The following MYO1D variants were observed in gnomAD, a reference collection of about 807,000 sequenced individuals.
MYO1D encodes myosin ID, also known as unconventional myosin-Id.
Under a neutral mutation model 122.0 loss-of-function variants are expected in MYO1D, and 83 were observed. That is an observed-to-expected ratio of 0.68 (90% confidence interval 0.57 to 0.82). The LOEUF is 0.82. Ranked by LOEUF, MYO1D falls within the 40% of genes least tolerant of loss-of-function variation. The pLI is 0.00. For synonymous variants in MYO1D, 464 were observed against 446.9 expected (o/e 1.04, Z -0.48); for missense variants, 1,157 against 1,269.5 (o/e 0.91, Z 1.35).
At chr17:32,576,767 T>C (rs1028319679) in intron 21 of MYO1D, among the ~76,000 whole-genome samples, 1 of 152,206 alleles carries the variant, frequency 6.6e-6, no homozygotes, top group Admixed American at 6.5e-5. Context: ...AGTGATCCTC[T>C]CGCCTCAGGC....
Position 32,494,848 on chromosome 17 carries a change from T to G in MYO1D, c.2932A>C (p.Thr978Pro). 2 of 1,613,868 alleles carry G rather than the reference T, an allele frequency of 1.2e-6. No individual in the cohort carries two copies. The highest frequency in any genetic ancestry group is 2.2e-5 in the South Asian group (2 of 91,084). Residue 978 changes from threonine (T) to proline (P), a missense_variant, in exon 22 of 22, where the codon ACC (threonine) becomes CCC (proline). Transcript: ENST00000318217. ...VQCSLHGKKC[T>P]VSVETRLNQP... The stretch of plus-strand genomic sequence containing the variant: ...TTGAGCCGCGTCTCCACGGAGACGG[T>G]GCACTTCTTCCCGTGCAGGCTGCAC...
rs766286125 is a variant in MYO1D, at chr17:32,749,053, T to C, written c.1468-47A>G. The C allele has an allele frequency of 1.5e-5, 22 of 1,484,190 alleles. No individual in the cohort carries two copies. In the Admixed American group the frequency reaches 1.5e-4, roughly 10 times the overall value. 91.9% of individuals were successfully genotyped at this position (1,484,190 alleles called of 1,614,324 possible). A position where few individuals can be genotyped will look rare whatever the true frequency, so the allele number is the denominator to read the frequency against. ...TATTTTGAAAACAGACATTTTTGCT[T>C]TCCTAAAAATATATTCCAGCTTAAT... On this transcript the variant is annotated intron_variant, in intron 11 of 21. Transcript: ENST00000318217.
intron 21 of MYO1D, among the ~76,000 whole-genome samples, chr17:32,554,521 AT>A (rs1221176635): frequency 1.3e-5 from 2 of 152,248 alleles, no homozygotes; most frequent in Non-Finnish European, 2.9e-5. Flanking sequence ...TGGGAAGGAT[AT>A]ATAAGTGAAT....
At chr17:32,645,374 ATG>A (rs2088273467) in intron 19 of MYO1D, among the ~76,000 whole-genome samples, 1 of 151,980 alleles carries the variant, frequency 6.6e-6, no homozygotes, top group African/African-American at 2.4e-5. Flanking sequence ...TCTGACAATT[ATG>A]TGTCTTGGAG....
At chr17:32,606,175 AT>A (rs1229937832) in intron 20 of MYO1D, among the ~76,000 whole-genome samples, 1 of 152,244 alleles carries the variant, frequency 6.6e-6, no homozygotes, top group Non-Finnish European at 1.5e-5. Flanking sequence ...AACTTGAATA[AT>A]TCTGTATCTG....
At chr17:32,584,632 A>G (rs1256815606) in intron 21 of MYO1D, among the ~76,000 whole-genome samples, 1 of 151,732 alleles carries the variant, frequency 6.6e-6, no homozygotes, top group African/African-American at 2.4e-5. Flanking sequence ...AGCTGGTACT[A>G]CAGGTGCATG....
chr17:32,684,599 G>T (rs1567948033), intron 16 of MYO1D, among the ~76,000 whole-genome samples: 2 of 152,110 alleles, frequency 1.3e-5, no homozygotes, highest in African/African-American at 4.8e-5. Context: ...AGTAACCTTA[G>T]GGTATAAGAG....
intron 21 of MYO1D, among the ~76,000 whole-genome samples, chr17:32,586,695 A>G (rs191084026): frequency 9.7e-4 from 147 of 152,274 alleles, no homozygotes; most frequent in African/African-American, 3.4e-3. Context: ...TTTTGCTGAA[A>G]ATTTATGTCA....
At chr17:32,674,634 CTTT>C (rs777493946) in intron 16 of MYO1D, among the ~76,000 whole-genome samples, 4 of 152,146 alleles carry the variant, frequency 2.6e-5, no homozygotes, top group Non-Finnish European at 4.4e-5. Flanking sequence ...ACACAAGCTT[CTTT>C]AAGTCATATA....
chr17:32,629,394 G>C (rs2087972601), intron 20 of MYO1D, among the ~76,000 whole-genome samples: 1 of 152,114 alleles, frequency 6.6e-6, no homozygotes, highest in Non-Finnish European at 1.5e-5. Flanking sequence ...AGGAGGTTGG[G>C]GGGTTTCAGG....
At chr17:32,495,853 T>C (rs1278074122) in intron 21 of MYO1D, 1 of 152,284 alleles carries the variant, frequency 6.6e-6, no homozygotes, top group Non-Finnish European at 1.5e-5. Flanking sequence ...CAGGACTGGC[T>C]GGCTCTGCTC....
Position 32,778,581 on chromosome 17 carries a change from G to GA in MYO1D, c.305-9dup. 1.9e-6 allele frequency: 3 copies of GA among 1,607,484 alleles called. No homozygotes were observed. The highest frequency in any genetic ancestry group is 1.1e-5 in the South Asian group (1 of 90,814). On this transcript the variant is annotated splice_polypyrimidine_tract_variant and intron_variant, in intron 2 of 21. Coordinates refer to ENST00000318217, the MANE Select transcript of MYO1D (RefSeq NM_015194.3). ...TACCAGCTCCACTTTCCCCTGGGGG[G>GA]AAAAATTGTTCAGGGCTTAACATAA...
chr17:32,691,707 CA>C (rs899323743), intron 16 of MYO1D, among the ~76,000 whole-genome samples: 2 of 151,936 alleles, frequency 1.3e-5, no homozygotes, highest in Non-Finnish European at 2.9e-5. Flanking sequence ...TGCCTGGCCA[CA>C]AAAAAATTTC....
intron 21 of MYO1D, among the ~76,000 whole-genome samples, chr17:32,548,132 C>T (rs2086980525): frequency 6.6e-6 from 1 of 151,936 alleles, no homozygotes; most frequent in African/African-American, 2.4e-5. Flanking sequence ...AAAAGTTTGT[C>T]CTCTAGGCAG....
At chr17:32,535,070 A>G (rs1249040725) in intron 21 of MYO1D, among the ~76,000 whole-genome samples, 1 of 152,190 alleles carries the variant, frequency 6.6e-6, no homozygotes, top group Non-Finnish European at 1.5e-5. Flanking sequence ...AAAGTAATAC[A>G]AGACATTTGG....
At chr17:32,632,399 G>A (rs1302583864) in intron 20 of MYO1D, 2 of 151,922 alleles carry the variant, frequency 1.3e-5, no homozygotes, top group Admixed American at 1.3e-4. Flanking sequence ...GATTTTTCTA[G>A]GCATATCCAA....
chr17:32,800,302 G>A (rs2090450084), intron 1 of MYO1D, among the ~76,000 whole-genome samples: 1 of 152,144 alleles, frequency 6.6e-6, no homozygotes, highest in African/African-American at 2.4e-5. Flanking sequence ...TTCATCAACA[G>A]AGGAATAGAT....
intron 1 of MYO1D, among the ~76,000 whole-genome samples, chr17:32,807,255 A>C (rs978103512): frequency 6.6e-6 from 1 of 152,292 alleles, no homozygotes; most frequent in East Asian, 1.9e-4. Flanking sequence ...AGTAAAAATT[A>C]CAGTAAAAAT....
chr17:32,866,116 G>A lies in MYO1D; in HGVS notation c.95+10662C>T, dbSNP rs544210492. On this transcript the variant is annotated intron_variant, in intron 1 of 21. Transcript: ENST00000318217. Reference sequence around the variant, plus strand: ...ACCATAGTGTCAAACCCATAGGCTTGAGCAATCCTCCTGCCTCAGCCTCCC... The same window carrying A: ...ACCATAGTGTCAAACCCATAGGCTTAAGCAATCCTCCTGCCTCAGCCTCCC... Among the ~76,000 whole-genome samples the A allele has an allele frequency of 3.3e-5, 5 of 152,202 alleles. No homozygotes were observed. In the South Asian group the frequency reaches 8.3e-4, roughly 25 times the overall value.
Sources: allele counts gnomAD v4.1 joint callset (sites outside exome capture counted in the v4.1 genomes callset), GRCh38; gene constraint gnomAD v4.1.1; transcripts MANE v1.5; gene names NCBI Gene and HGNC (gene_info 2026-07-23, HGNC 2026-07-21).